The following FHOD3 variants were observed in gnomAD, a reference collection of about 807,000 sequenced individuals.
FHOD3 encodes the protein formin homology 2 domain containing 3.
In FHOD3, 90 loss-of-function variants were observed where a neutral mutation model predicts 173.0. That is an observed-to-expected ratio of 0.52 (90% CI 0.44 to 0.62). The LOEUF (loss-of-function observed/expected upper bound fraction) is 0.62. Among genes scored for constraint, FHOD3 ranks in the 20% least tolerant of loss-of-function variants. The pLI is 0.00. For synonymous variants in FHOD3, 828 were observed against 823.0 expected (o/e 1.01, Z -0.10); for missense variants, 1,945 against 2,034.7 (o/e 0.96, Z 0.85).
chr18:36,474,720 C>T (rs1208249739), intron 3 of FHOD3, among the ~76,000 whole-genome samples: 1 of 152,126 alleles, frequency 6.6e-6, no homozygotes, highest in Non-Finnish European at 1.5e-5. Flanking sequence ...AACCACACCT[C>T]TTAGATCACC....
intron 5 of FHOD3, among the ~76,000 whole-genome samples, chr18:36,516,402 T>C (rs1177415356): frequency 1.3e-5 from 2 of 152,180 alleles, no homozygotes; most frequent in South Asian, 2.1e-4. Context: ...AACACCTGCA[T>C]TGTGGCTTCC....
At chr18:36,605,654 A>T (rs1407742672) in intron 8 of FHOD3, among the ~76,000 whole-genome samples, 1 of 151,814 alleles carries the variant, frequency 6.6e-6, no homozygotes, top group African/African-American at 2.4e-5. Flanking sequence ...AAAAAAAAAA[A>T]TTTGCAACCT....
intron 18 of FHOD3, among the ~76,000 whole-genome samples, chr18:36,712,015 C>T (rs999150541): frequency 3.3e-5 from 5 of 152,166 alleles, no homozygotes; most frequent in South Asian, 2.1e-4. Context: ...GGGGCACTGA[C>T]GTTCTACCCT....
chr18:36,344,619 A>C (rs34909748), intron 1 of FHOD3, among the ~76,000 whole-genome samples: 23,993 of 152,154 alleles, frequency 0.16, 2,130 homozygotes, highest in Middle Eastern at 0.33. Flanking sequence ...ATAGTAGATT[A>C]AACCAAATAT....
At chr18:36,663,112 A>G (rs562824616) in intron 14 of FHOD3, among the ~76,000 whole-genome samples, 15 of 152,146 alleles carry the variant, frequency 9.9e-5, no homozygotes, top group Non-Finnish European at 1.9e-4. Flanking sequence ...TTGTGTTCCT[A>G]CTGAAGAAAG....
chr18:36,695,551 C>A (rs906240792), intron 17 of FHOD3, among the ~76,000 whole-genome samples: 1 of 152,050 alleles, frequency 6.6e-6, no homozygotes, highest in African/African-American at 2.4e-5. Flanking sequence ...GGAAAAAAGT[C>A]AAAAGTACTG....
At chr18:36,322,901 C>T (rs1223624717) in intron 1 of FHOD3, among the ~76,000 whole-genome samples, 1 of 152,184 alleles carries the variant, frequency 6.6e-6, no homozygotes, top group African/African-American at 2.4e-5. Flanking sequence ...TGTTGAGTGC[C>T]AGGAGTGGCT....
At chr18:36,429,680 G>C (rs1226843084) in intron 3 of FHOD3, among the ~76,000 whole-genome samples, 1 of 152,180 alleles carries the variant, frequency 6.6e-6, no homozygotes, top group Non-Finnish European at 1.5e-5. Flanking sequence ...GCAGAAAGGA[G>C]ACATGGCAGA....
At chr18:36,763,163 A>G (rs1332661833) in intron 27 of FHOD3, among the ~76,000 whole-genome samples, 1 of 147,552 alleles carries the variant, frequency 6.8e-6, no homozygotes, top group Non-Finnish European at 1.5e-5. Context: ...CACGTTATAT[A>G]TATGTGTATT....
intron 10 of FHOD3, among the ~76,000 whole-genome samples, chr18:36,640,107 A>G (rs962175015): frequency 4.6e-5 from 7 of 152,230 alleles, no homozygotes; most frequent in Non-Finnish European, 8.8e-5. Context: ...CCCATAGTCC[A>G]GCTTCTTGGG....
chr18:36,639,405 G>A (rs1443678171), intron 10 of FHOD3, among the ~76,000 whole-genome samples: 1 of 152,192 alleles, frequency 6.6e-6, no homozygotes, highest in Non-Finnish European at 1.5e-5. Flanking sequence ...GGGTGTGGTG[G>A]CTCACCTCTG....
intron 14 of FHOD3, among the ~76,000 whole-genome samples, chr18:36,680,835 A>T (rs1161677876): frequency 6.6e-6 from 1 of 152,242 alleles, no homozygotes; most frequent in Non-Finnish European, 1.5e-5. Context: ...GCCTTGTTCA[A>T]TTATTCTAAA....
intron 19 of FHOD3, among the ~76,000 whole-genome samples, chr18:36,720,208 C>T (rs191432136): frequency 1.5e-4 from 22 of 150,396 alleles, no homozygotes; most frequent in South Asian, 2.1e-4. Flanking sequence ...CAAGTGGTGC[C>T]GAGCCATCCA....
At chr18:36,698,452 A>T (rs1488503510) in intron 17 of FHOD3, among the ~76,000 whole-genome samples, 1 of 152,198 alleles carries the variant, frequency 6.6e-6, no homozygotes, top group African/African-American at 2.4e-5. Context: ...TAGGCATAGA[A>T]TGGCACTGGA....
Position 36,709,329 on chromosome 18 carries a change from C to A in FHOD3, c.2471C>A (p.Ser824Tyr). ...RDNCSASSVS[S>Y]SSSTLEREEK... ...AACTGCTCTGCCTCCAGCGTCTCGT[C>A]CTCCAGCAGCACGTTGGAGAGGGAG... Residue 824 changes from serine to tyrosine, a missense_variant, in exon 18 of 29, where the codon TCC (serine) becomes TAC (tyrosine). Transcript: ENST00000590592. 2 of 1,614,246 alleles carry A rather than the reference C, an allele frequency of 1.2e-6. No homozygotes were observed. Among genetic ancestry groups the A allele is most frequent in the Non-Finnish European group, 1.7e-6 (2 of 1,180,042 alleles).
At position 36,779,728 on chromosome 18, in the gene FHOD3, C is replaced by A; in HGVS notation, c.*198C>A. The A allele has an allele frequency of 1.7e-6, 1 of 574,254 alleles. No individual in the cohort carries two copies. The highest frequency in any genetic ancestry group is 1.9e-5 in the African/African-American group (1 of 53,612). 35.6% of individuals were successfully genotyped at this position (574,254 alleles called of 1,614,324 possible). A position where few individuals can be genotyped will look rare whatever the true frequency, so the allele number is the denominator to read the frequency against. ...GATCTCCAGGAGTCCCCTGCACATA[C>A]CTTCTCCATCGTGTCAGCTGTGTTT... is the stretch of plus-strand genomic sequence containing the variant. On this transcript the variant is annotated 3_prime_UTR_variant, in exon 29 of 29. Transcript: ENST00000590592.
intron 18 of FHOD3, among the ~76,000 whole-genome samples, chr18:36,716,180 C>T (rs780847933): frequency 6.6e-6 from 1 of 152,192 alleles, no homozygotes; most frequent in Non-Finnish European, 1.5e-5. Context: ...TAAGAACTGG[C>T]TGTCAAGGGA....
chr18:36,658,053 C>G, intron 13 of FHOD3, 22 bp from the exon 14 acceptor site: 5 of 1,551,312 alleles, frequency 3.2e-6, no homozygotes, highest in Non-Finnish European at 4.4e-6. Context: ...TTCCCCCCAA[C>G]TTAAACCTCT....
intron 3 of FHOD3, among the ~76,000 whole-genome samples, chr18:36,460,165 G>A (rs2052467437): frequency 6.6e-6 from 1 of 152,106 alleles, no homozygotes; most frequent in Admixed American, 6.6e-5. Context: ...TAAGCACCTG[G>A]CTGAGGTAGC....
Sources: allele counts gnomAD v4.1 joint callset (sites outside exome capture counted in the v4.1 genomes callset), GRCh38; gene constraint gnomAD v4.1.1; transcripts MANE v1.5; gene names NCBI Gene and HGNC (gene_info 2026-07-23, HGNC 2026-07-21).